The following GIT2 variants were observed in gnomAD, a reference collection of about 807,000 sequenced individuals.
The protein encoded by GIT2 is ARF GTPase-activating protein GIT2.
In GIT2, 32 loss-of-function variants were observed where a neutral mutation model predicts 100.3. The observed-to-expected ratio is 0.32, with a 90% confidence interval of 0.24 to 0.43. The LOEUF is 0.43. Among genes scored for constraint, GIT2 ranks in the 20% least tolerant of loss-of-function variants. The pLI is 1.00. For synonymous variants in GIT2, 353 were observed against 364.1 expected, an observed-to-expected ratio of 0.97 and a Z score of 0.35; for missense variants, 737 against 975.1, an observed-to-expected ratio of 0.76 and a Z score of 3.25.
chr12:109,932,841 A>G lies in GIT2; in HGVS notation c.*137T>C, dbSNP rs1230055644. On this transcript the variant is annotated 3_prime_UTR_variant, in exon 20 of 20. Coordinates refer to ENST00000355312, the MANE Select transcript of GIT2 (RefSeq NM_057169.5). ...ATTGGTTAGAAAACATGCAAAAATA[A>G]TACTGAGTTTTCTTTTAAAAAGTTT... 8.0e-6 allele frequency: 5 copies of G among 622,020 alleles called. No individual in the cohort carries two copies. The highest frequency in any genetic ancestry group is 1.4e-5 in the Non-Finnish European group (5 of 349,236). The allele number at this position is 622,020 out of a possible 1,614,324, so 38.5% of individuals were successfully genotyped here.
chr12:109,941,230 CA>C (rs1163464529), intron 16 of GIT2, among the ~76,000 whole-genome samples: 1 of 152,192 alleles, frequency 6.6e-6, no homozygotes, highest in African/African-American at 2.4e-5. Context: ...ATCCATCTGG[CA>C]AATGATTAAA....
intron 12 of GIT2, among the ~76,000 whole-genome samples, chr12:109,959,309 C>A (rs1288809233): frequency 6.6e-6 from 1 of 152,036 alleles, no homozygotes; most frequent in Non-Finnish European, 1.5e-5. Context: ...GTTAGGTGAT[C>A]CACCTGCCTC....
intron 16 of GIT2, among the ~76,000 whole-genome samples, chr12:109,944,483 ATTT>A (rs1288588510): frequency 6.6e-6 from 1 of 152,182 alleles, no homozygotes; most frequent in African/African-American, 2.4e-5. Context: ...GCATGAAAGT[ATTT>A]TTTAATTGAC....
At chr12:109,938,682 T>C in intron 17 of GIT2, 114 bp from the exon 18 acceptor site, 3 of 716,058 alleles carry the variant, frequency 4.2e-6, no homozygotes, top group Non-Finnish European at 6.9e-6. Flanking sequence ...GGTCTCGTCA[T>C]TTCCTTTATC....
chr12:109,959,997 A>G, intron 11 of GIT2, 39 bp from the exon 12 acceptor site: 2 of 1,295,340 alleles, frequency 1.5e-6, no homozygotes, highest in Non-Finnish European at 2.2e-6. Context: ...TTCCCAGTGT[A>G]AAAATATATA....
intron 4 of GIT2, among the ~76,000 whole-genome samples, chr12:109,987,364 A>T (rs1887600791): frequency 6.6e-6 from 1 of 152,084 alleles, no homozygotes; most frequent in Non-Finnish European, 1.5e-5. Context: ...AGCTTGGGCG[A>T]CTGAGCAAGA....
chr12:109,939,430 T>G (rs1873952776), intron 16 of GIT2, 183 bp from the exon 17 acceptor site: 2 of 493,256 alleles, frequency 4.1e-6, no homozygotes, highest in Non-Finnish European at 7.4e-6. Flanking sequence ...ATGGCCTCTT[T>G]CCTTCTTTGC....
rs144389868 is a variant in GIT2 at position 109,994,830 on chromosome 12, A to T, written c.52+1343T>A. Among the ~76,000 whole-genome samples the T allele has an allele frequency of 2.3e-3, 355 of 152,358 alleles. 1 individual carries two copies. Among genetic ancestry groups the T allele is most frequent in the African/African-American group, 8.4e-3 (348 of 41,582 alleles). On this transcript the variant is annotated intron_variant, in intron 1 of 19. Transcript: ENST00000355312. ...GGCAAGAAAATAAGGAAGTGGAACA[A>T]ATAACATTTTTAGAGAAAATGATGG...
Position 109,948,579 on chromosome 12 carries a change from TC to T in GIT2, c.1393-1076del. ...GTCCTTCCCTTCTGGTGCGCCTTCA[TC>T]TTCCATGGACATTCTATAAGCTGGG... On this transcript the variant is annotated intron_variant, in intron 14 of 19. Transcript: ENST00000355312. The surrounding 1 kb of genome is among the most constrained non-coding windows in gnomAD (Gnocchi z 4.3). 7.2e-7 allele frequency: 1 copy of T among 1,386,356 alleles called. No individual in the cohort carries two copies. The highest frequency in any genetic ancestry group is 9.3e-7 in the Non-Finnish European group (1 of 1,076,782). The allele number at this position is 1,386,356 out of a possible 1,614,324, so 85.9% of individuals were successfully genotyped here. A position where few individuals can be genotyped will look rare whatever the true frequency, so the allele number is the denominator to read the frequency against.
intron 7 of GIT2, among the ~76,000 whole-genome samples, chr12:109,974,714 G>A (rs1884674699): frequency 6.6e-6 from 1 of 152,148 alleles, no homozygotes; most frequent in African/African-American, 2.4e-5. Flanking sequence ...TGTTCAATAT[G>A]TACTTGAAAA....
Position 109,933,053 on chromosome 12 carries a change from G to A in GIT2, c.2205C>T (p.Val735=), listed in dbSNP as rs1408385089. The A allele has an allele frequency of 1.2e-6, 2 of 1,613,580 alleles. No individual in the cohort carries two copies. The highest frequency in any genetic ancestry group is 1.3e-5 in the African/African-American group (1 of 75,054). ...PTDVQLVTQQ[V]IQCAYDIAKA... is the part of the protein sequence containing the mutation. Reference sequence around the variant, plus strand: ...TGGCGATGTCGTACGCACACTGGATGACCTGCTGCGTGACCAGCTGAACGT... The same window carrying A: ...TGGCGATGTCGTACGCACACTGGATAACCTGCTGCGTGACCAGCTGAACGT... The change falls in exon 20 of 20, where the codon GTC becomes GTT. Residue 735 remains valine, a synonymous_variant. Coordinates refer to ENST00000355312, the MANE Select transcript of GIT2 (RefSeq NM_057169.5). The surrounding 1 kb of genome is among the most constrained non-coding windows in gnomAD (Gnocchi z 4.5).
At chr12:109,945,525 C>T (rs549805471) in intron 15 of GIT2, among the ~76,000 whole-genome samples, 176 bp from the exon 16 acceptor site, 3 of 152,100 alleles carry the variant, frequency 2.0e-5, no homozygotes, top group Non-Finnish European at 4.4e-5. Flanking sequence ...TGGTGAAACA[C>T]CTCCTGGAAA....
intron 9 of GIT2, among the ~76,000 whole-genome samples, chr12:109,964,077 G>A (rs1001730253): frequency 2.0e-5 from 3 of 152,178 alleles, no homozygotes; most frequent in Non-Finnish European, 2.9e-5. Flanking sequence ...TGAAGCAAAT[G>A]TAGGATAGTC....
chr12:109,996,684 T>A (rs2137048216), upstream of GIT2, among the ~76,000 whole-genome samples: 2 of 152,356 alleles, frequency 1.3e-5, no homozygotes, highest in South Asian at 4.1e-4. Context: ...ATGCTTTATA[T>A]ACTGTCCCAG....
upstream of GIT2, chr12:109,999,652 G>A (rs1334811651): frequency 1.3e-6 from 2 of 1,491,980 alleles, no homozygotes; most frequent in Non-Finnish European, 1.8e-6. This position sits in a 1 kb window ranked among gnomAD's most constrained non-coding sequence, Gnocchi z 4.3. Context: ...CCGAGACTTG[G>A]GGCGGGCGAC....
rs999478836 is a variant in GIT2 at position 109,991,897 on chromosome 12, T to C, written c.53-137A>G. ...CAGTATGCTCATCAATGCATCAGGC[T>C]GGTCATCTTGTTGGATGGTATGACC... is the stretch of plus-strand genomic sequence containing the variant. On this transcript the variant is annotated intron_variant, in intron 1 of 19. Coordinates refer to ENST00000355312, the MANE Select transcript of GIT2 (RefSeq NM_057169.5). 5.9e-6 allele frequency: 4 copies of C among 682,348 alleles called. No homozygotes were observed. The African/African-American group carries it at 7.2e-5, about 12-fold the overall frequency. 42.3% of individuals were successfully genotyped at this position (682,348 alleles called of 1,614,324 possible).
chr12:109,975,420 G>A (rs1027110961), intron 7 of GIT2, among the ~76,000 whole-genome samples: 1 of 152,034 alleles, frequency 6.6e-6, no homozygotes, highest in African/African-American at 2.4e-5. Context: ...TGTTGCTTGG[G>A]CTGGTCTCAA....
chr12:109,997,447 T>A (rs1235797719), upstream of GIT2: 2 of 152,188 alleles, frequency 1.3e-5, no homozygotes, highest in East Asian at 3.8e-4. Context: ...AGGCTTCAGT[T>A]TTAATCTCAT....
chr12:109,961,130 TATCA>T (rs1593037805), intron 11 of GIT2, 144 bp downstream of exon 11: 2 of 521,064 alleles, frequency 3.8e-6, no homozygotes, highest in Non-Finnish European at 6.9e-6. Flanking sequence ...TTGTTTTTCT[TATCA>T]ATTTGGGGGT....
Sources: allele counts gnomAD v4.1 joint callset (sites outside exome capture counted in the v4.1 genomes callset), GRCh38; gene constraint gnomAD v4.1.1; non-coding constraint Gnocchi (gnomAD v3.1); transcripts MANE v1.5; gene names NCBI Gene and HGNC (gene_info 2026-07-23, HGNC 2026-07-21).